ZNF438: variants seen among roughly 807,000 people sequenced by gnomAD.
ZNF438 encodes the protein zinc finger protein 438.
Under a neutral mutation model 38.0 loss-of-function variants are expected in ZNF438, and 25 were observed. That is an observed-to-expected ratio of 0.66 (90% CI 0.48 to 0.92). The LOEUF (loss-of-function observed/expected upper bound fraction) is 0.92, where lower values mean the gene tolerates loss of function less well. Ranked by LOEUF, ZNF438 falls within the 40% of genes least tolerant of loss-of-function variation. The pLI is 0.00. For missense variants in ZNF438, 1,007 were observed against 999.6 expected, an observed-to-expected ratio of 1.01 and a Z score of -0.10; for synonymous variants, 372 against 364.1, an observed-to-expected ratio of 1.02 and a Z score of -0.25.
chr10:30,919,241 G>A (rs2044007560), intron 2 of ZNF438: 1 of 152,124 alleles, frequency 6.6e-6, no homozygotes, highest in Admixed American at 6.5e-5. Context: ...GGATCTAAGA[G>A]TGAATTAATC....
intron 3 of ZNF438, among the ~76,000 whole-genome samples, chr10:30,903,211 G>A (rs775409298): frequency 1.3e-5 from 2 of 152,150 alleles, no homozygotes; most frequent in Non-Finnish European, 2.9e-5. Context: ...CAAGGGAGCC[G>A]GCTCCGGACT....
intron 1 of ZNF438, among the ~76,000 whole-genome samples, chr10:30,972,808 A>C (rs1272163698): frequency 6.6e-6 from 1 of 152,244 alleles, no homozygotes; most frequent in Non-Finnish European, 1.5e-5. Flanking sequence ...ATGGGAGGCC[A>C]TGCAATCTCT....
chr10:31,008,218 T>C (rs572028192), intron 1 of ZNF438, among the ~76,000 whole-genome samples: 1 of 152,314 alleles, frequency 6.6e-6, no homozygotes, highest in Admixed American at 6.5e-5. Flanking sequence ...ATAATAATAA[T>C]AATATCTTTT....
chr10:30,860,614 T>A (rs1242154461), intron 4 of ZNF438, among the ~76,000 whole-genome samples: 1 of 152,178 alleles, frequency 6.6e-6, no homozygotes. Context: ...TCTAATCCAA[T>A]CCGTCTTGCC....
chr10:30,861,290 A>G (rs897408996), intron 4 of ZNF438, among the ~76,000 whole-genome samples: 1 of 152,220 alleles, frequency 6.6e-6, no homozygotes, highest in Non-Finnish European at 1.5e-5. Flanking sequence ...GTTTTACTGT[A>G]TTATTTAGGG....
At chr10:30,922,233 C>A (rs936845764) in intron 2 of ZNF438, among the ~76,000 whole-genome samples, 6 of 152,142 alleles carry the variant, frequency 3.9e-5, no homozygotes, top group Non-Finnish European at 8.8e-5. Context: ...ACACTGAAGG[C>A]AGCAGTACCT....
At chr10:30,860,174 G>A (rs902881584) in intron 4 of ZNF438, among the ~76,000 whole-genome samples, 7 of 152,286 alleles carry the variant, frequency 4.6e-5, no homozygotes, top group South Asian at 2.1e-4. Flanking sequence ...CATCGGACCC[G>A]CATTCCAGAG....
intron 2 of ZNF438, among the ~76,000 whole-genome samples, chr10:30,912,804 C>T (rs1589157875): frequency 6.6e-6 from 1 of 152,060 alleles, no homozygotes; most frequent in South Asian, 2.1e-4. Context: ...TACTATTTGA[C>T]CTTTCCTCTT....
intron 1 of ZNF438, among the ~76,000 whole-genome samples, chr10:31,000,656 A>C (rs2054557532): frequency 6.6e-6 from 1 of 152,310 alleles, no homozygotes; most frequent in Non-Finnish European, 1.5e-5. Context: ...TCTGATGTAC[A>C]GCTATGAGAG....
rs1336704857 is a variant in ZNF438 at position 30,966,578 on chromosome 10, C to G, written c.-191-24927G>C. Among the ~76,000 whole-genome samples, 4 of 149,548 alleles carry G rather than the reference C, an allele frequency of 2.7e-5. No homozygotes were observed. In the East Asian group the frequency reaches 7.9e-4, roughly 29 times the overall value. On this transcript the variant is annotated intron_variant, in intron 1 of 5. Transcript: ENST00000413025. ...TCAGCTACTCGGGAGGCTGAGGCAG[C>G]AGAATCGCTTGAACCTGGGAAGTGG...
chr10:30,968,852 G>GACCC (rs1390709905), intron 1 of ZNF438, among the ~76,000 whole-genome samples: 2 of 152,120 alleles, frequency 1.3e-5, no homozygotes, highest in African/African-American at 2.4e-5. Flanking sequence ...TACCTTTAGA[G>GACCC]ACCCGTGGTT....
intron 1 of ZNF438, among the ~76,000 whole-genome samples, chr10:31,029,542 C>T (rs899048054): frequency 6.6e-6 from 1 of 152,240 alleles, no homozygotes; most frequent in South Asian, 2.1e-4. Flanking sequence ...CCAATTCTAC[C>T]GCCTACCATC....
intron 1 of ZNF438, among the ~76,000 whole-genome samples, chr10:30,988,327 G>A (rs935121693): frequency 6.6e-6 from 1 of 151,712 alleles, no homozygotes; most frequent in Non-Finnish European, 1.5e-5. Flanking sequence ...TTCAAATGTA[G>A]CAATCACAAA....
At chr10:30,913,287 A>G (rs2043263964) in intron 2 of ZNF438, among the ~76,000 whole-genome samples, 1 of 152,046 alleles carries the variant, frequency 6.6e-6, no homozygotes, top group Non-Finnish European at 1.5e-5. Flanking sequence ...CTCCCTCTCC[A>G]GTCCAATTTC....
At chr10:31,014,866 A>G (rs202018635) in intron 1 of ZNF438, among the ~76,000 whole-genome samples, 98,918 of 142,698 alleles carry the variant, frequency 0.69, 33,092 homozygotes, top group African/African-American at 0.75. Flanking sequence ...GTGTGTATAT[A>G]TATATATATA....
intron 1 of ZNF438, among the ~76,000 whole-genome samples, chr10:30,945,364 A>G (rs2135595872): frequency 6.8e-6 from 1 of 147,164 alleles, no homozygotes; most frequent in Non-Finnish European, 1.5e-5. Flanking sequence ...TAGTATCTGC[A>G]TGGTATCTCT....
At chr10:31,019,377 AG>A (rs1296312916) in intron 1 of ZNF438, among the ~76,000 whole-genome samples, 2 of 152,260 alleles carry the variant, frequency 1.3e-5, no homozygotes, top group Non-Finnish European at 2.9e-5. Flanking sequence ...TGCTAATGAA[AG>A]AAAAAGTTAA....
chr10:30,927,823 G>A (rs1344829383), intron 2 of ZNF438, among the ~76,000 whole-genome samples: 1 of 152,114 alleles, frequency 6.6e-6, no homozygotes, highest in African/African-American at 2.4e-5. Flanking sequence ...ATGAATAAGA[G>A]GATGCCTTCC....
At chr10:30,963,111 G>C (rs1403599971) in intron 1 of ZNF438, among the ~76,000 whole-genome samples, 1 of 152,066 alleles carries the variant, frequency 6.6e-6, no homozygotes, top group South Asian at 2.1e-4. Flanking sequence ...AACTTTAAGA[G>C]GTTGGCCGGG....
Sources: allele counts gnomAD v4.1 joint callset (sites outside exome capture counted in the v4.1 genomes callset), GRCh38; gene constraint gnomAD v4.1.1; transcripts MANE v1.5; gene names NCBI Gene and HGNC (gene_info 2026-07-23, HGNC 2026-07-21).